The following EBF1 variants were observed in gnomAD, a reference collection of about 807,000 sequenced individuals.
EBF1 encodes transcription factor COE1.
EBF1 carries 10 observed loss-of-function variants against 68.4 expected under a neutral mutation model. That is an observed-to-expected ratio of 0.15 (90% confidence interval 0.09 to 0.25). The LOEUF (loss-of-function observed/expected upper bound fraction) is 0.25, where lower values mean the gene tolerates loss of function less well. EBF1 is among the 10% of genes least tolerant of loss of function. The pLI, the probability that EBF1 is intolerant of heterozygous loss-of-function variation, is 1.00. For synonymous variants in EBF1, 298 were observed against 299.8 expected, an observed-to-expected ratio of 0.99 and a Z score of 0.06; for missense variants, 509 against 794.4, an observed-to-expected ratio of 0.64 and a Z score of 4.32.
intron 10 of EBF1, among the ~76,000 whole-genome samples, chr5:158,761,820 A>G (rs1408990260): frequency 6.6e-6 from 1 of 152,164 alleles, no homozygotes; most frequent in Non-Finnish European, 1.5e-5. Flanking sequence ...ATGGGAGAAT[A>G]TTATATTATA....
At chr5:158,861,338 C>T (rs1401887918) in intron 6 of EBF1, among the ~76,000 whole-genome samples, 1 of 139,260 alleles carries the variant, frequency 7.2e-6, no homozygotes, top group Non-Finnish European at 1.5e-5. Context: ...ACCGAATGTA[C>T]ACTCAATTTT....
chr5:158,827,862 C>A (rs570022287), intron 7 of EBF1, among the ~76,000 whole-genome samples: 1 of 152,190 alleles, frequency 6.6e-6, no homozygotes, highest in South Asian at 2.1e-4. Context: ...AAAGATTAGA[C>A]CATAAATATA....
chr5:159,027,873 A>G (rs1463449691), intron 6 of EBF1, among the ~76,000 whole-genome samples: 3 of 152,224 alleles, frequency 2.0e-5, no homozygotes, highest in African/African-American at 7.2e-5. Flanking sequence ...TACAAAGTAC[A>G]TGCAAGTTTG....
At chr5:159,076,438 A>T (rs1778795778) in intron 5 of EBF1, among the ~76,000 whole-genome samples, 2 of 152,174 alleles carry the variant, frequency 1.3e-5, no homozygotes, top group South Asian at 4.1e-4. Flanking sequence ...TCACTTAAGC[A>T]CGGTCGTCAT....
At chr5:158,875,350 C>T (rs1026115855) in intron 6 of EBF1, among the ~76,000 whole-genome samples, 1 of 152,144 alleles carries the variant, frequency 6.6e-6, no homozygotes, top group African/African-American at 2.4e-5. Context: ...CAAATGGACT[C>T]TACAAAAAGT....
At chr5:158,725,423 CT>C (rs2127530185) in intron 11 of EBF1, among the ~76,000 whole-genome samples, 1 of 152,374 alleles carries the variant, frequency 6.6e-6, no homozygotes, top group East Asian at 1.9e-4. Flanking sequence ...TGAACAACAA[CT>C]TTTTGCTCCT....
intron 10 of EBF1, among the ~76,000 whole-genome samples, chr5:158,773,404 G>A (rs1774300924): frequency 1.3e-5 from 2 of 152,112 alleles, no homozygotes; most frequent in Non-Finnish European, 2.9e-5. Context: ...TCCTTCCACA[G>A]GAACAGGAAA....
chr5:158,879,526 G>C (rs566084136), intron 6 of EBF1, among the ~76,000 whole-genome samples: 17 of 152,332 alleles, frequency 1.1e-4, no homozygotes, highest in African/African-American at 4.1e-4. Flanking sequence ...GCAATGCTGA[G>C]AAGAATAAAA....
chr5:158,936,028 A>T (rs1382386194), intron 6 of EBF1, among the ~76,000 whole-genome samples: 3 of 152,218 alleles, frequency 2.0e-5, no homozygotes. Context: ...ATTTTTTAAA[A>T]AAGGAGAGGC....
intron 6 of EBF1, among the ~76,000 whole-genome samples, chr5:158,862,365 C>CAA (rs1795105833): frequency 6.6e-6 from 1 of 152,018 alleles, no homozygotes; most frequent in African/African-American, 2.4e-5. Context: ...AACAAGAACA[C>CAA]ACAAACAAAC....
intron 10 of EBF1, among the ~76,000 whole-genome samples, chr5:158,755,988 T>C (rs1581617248): frequency 6.6e-6 from 1 of 152,304 alleles, no homozygotes; most frequent in East Asian, 1.9e-4. Context: ...GCTCTCTTTC[T>C]TAAATTTCCT....
At chr5:158,780,959 TA>T (rs1353474779) in intron 9 of EBF1, among the ~76,000 whole-genome samples, 1 of 152,194 alleles carries the variant, frequency 6.6e-6, no homozygotes, top group Non-Finnish European at 1.5e-5. Context: ...TTAACTTCCT[TA>T]AATTACAAGC....
At chr5:158,784,366 C>G (rs929956622) in intron 9 of EBF1, among the ~76,000 whole-genome samples, 1 of 152,156 alleles carries the variant, frequency 6.6e-6, no homozygotes, top group Non-Finnish European at 1.5e-5. Context: ...TACTTTGCAT[C>G]TGACCTCTGC....
At chr5:158,900,310 G>T (rs1199992927) in intron 6 of EBF1, among the ~76,000 whole-genome samples, 11 of 152,120 alleles carry the variant, frequency 7.2e-5, no homozygotes, top group Non-Finnish European at 1.3e-4. Flanking sequence ...AGTGGAGGGT[G>T]CAAAACAAAT....
chr5:158,753,946 AT>A (rs909907730), intron 10 of EBF1, among the ~76,000 whole-genome samples: 3 of 150,156 alleles, frequency 2.0e-5, no homozygotes, highest in Admixed American at 6.6e-5. Flanking sequence ...GTAGCCCTAG[AT>A]TTTTTTTTTC....
chr5:158,846,365 C>A (rs1008904083), intron 6 of EBF1, among the ~76,000 whole-genome samples: 2 of 152,214 alleles, frequency 1.3e-5, no homozygotes, highest in African/African-American at 4.8e-5. Context: ...CCTCCTGCCT[C>A]CATGTCCAAG....
intron 8 of EBF1, among the ~76,000 whole-genome samples, chr5:158,816,801 A>G (rs1168177172): frequency 6.6e-6 from 1 of 152,210 alleles, no homozygotes; most frequent in African/African-American, 2.4e-5. Context: ...CTGAAAAAAA[A>G]AGAGGAGAAA....
At chr5:159,083,536 A>C (rs1382987486) in intron 5 of EBF1, among the ~76,000 whole-genome samples, 1 of 152,254 alleles carries the variant, frequency 6.6e-6, no homozygotes, top group Non-Finnish European at 1.5e-5. Flanking sequence ...AAGGGAAAAA[A>C]TGAAAATTGT....
intron 15 of EBF1, among the ~76,000 whole-genome samples, chr5:158,701,944 G>T (rs1042037852): frequency 6.6e-6 from 1 of 152,084 alleles, no homozygotes; most frequent in African/African-American, 2.4e-5. Flanking sequence ...TATCCTCATG[G>T]GGAATCTTCA....
Sources: gnomAD v4.1 joint callset for allele counts (sites outside exome capture counted in the v4.1 genomes callset) on GRCh38, gnomAD v4.1.1 for gene constraint, MANE v1.5 for transcripts, NCBI Gene and HGNC (gene_info 2026-07-23, HGNC 2026-07-21) for gene names.